The following FOXP2 variants were observed in gnomAD, a reference collection of about 807,000 sequenced individuals.
FOXP2 encodes forkhead box P2.
A neutral mutation model predicts 115.8 loss-of-function variants in FOXP2; 12 were observed. That is an observed-to-expected ratio of 0.10 (90% CI 0.07 to 0.17). FOXP2 has a LOEUF of 0.17. FOXP2 is among the 10% of genes least tolerant of loss of function. The probability of loss-of-function intolerance (pLI) is 1.00; values close to 1 mark genes in which losing one functional copy is unlikely to be tolerated. For missense variants in FOXP2, 629 were observed against 843.5 expected, an observed-to-expected ratio of 0.75 and a Z score of 3.15; for synonymous variants, 328 against 297.7, an observed-to-expected ratio of 1.10 and a Z score of -1.05.
intron 2 of FOXP2, among the ~76,000 whole-genome samples, chr7:114,377,251 G>GA: frequency 6.6e-6 from 1 of 152,138 alleles, no homozygotes; most frequent in Non-Finnish European, 1.5e-5. Context: ...GAAATCCAAA[G>GA]TTTGAGATAC....
intron 1 of FOXP2, among the ~76,000 whole-genome samples, chr7:114,198,638 C>A (rs1419349953): frequency 6.6e-6 from 1 of 152,168 alleles, no homozygotes; most frequent in Non-Finnish European, 1.5e-5. Flanking sequence ...GCGGGGCTCA[C>A]CTCTTGCTAT....
chr7:114,350,101 A>T (rs1791445909), intron 2 of FOXP2, among the ~76,000 whole-genome samples: 1 of 152,170 alleles, frequency 6.6e-6, no homozygotes, highest in Non-Finnish European at 1.5e-5. Flanking sequence ...TGAGTAAAAG[A>T]ATAAACAGAC....
At chr7:114,401,783 T>C (rs975032666) in intron 2 of FOXP2, among the ~76,000 whole-genome samples, 1 of 152,154 alleles carries the variant, frequency 6.6e-6, no homozygotes, top group Non-Finnish European at 1.5e-5. Context: ...TTAAAGAATA[T>C]TATATACAGC....
chr7:114,358,509 T>G (rs1013518307), intron 2 of FOXP2, among the ~76,000 whole-genome samples: 1 of 152,166 alleles, frequency 6.6e-6, no homozygotes, highest in Non-Finnish European at 1.5e-5. Flanking sequence ...AGTTTGGATT[T>G]CCTAGAGACT....
At chr7:114,360,823 C>T (rs1791728726) in intron 2 of FOXP2, among the ~76,000 whole-genome samples, 1 of 152,134 alleles carries the variant, frequency 6.6e-6, no homozygotes, top group Admixed American at 6.5e-5. Flanking sequence ...ATTATCCAAA[C>T]TAATAAAGAT....
chr7:114,538,429 C>A, intron 3 of FOXP2: 1 of 1,093,136 alleles, frequency 9.1e-7, no homozygotes, highest in Non-Finnish European at 1.3e-6. Context: ...TAGTTTTTAG[C>A]ATTGTAATCA....
intron 2 of FOXP2, among the ~76,000 whole-genome samples, chr7:114,448,946 C>T (rs1034021622): frequency 3.3e-5 from 5 of 152,138 alleles, no homozygotes; most frequent in African/African-American, 4.8e-5. Flanking sequence ...TAGAAAACTA[C>T]AGGGAAAATA....
chr7:114,211,946 G>A (rs2129161874), intron 1 of FOXP2, among the ~76,000 whole-genome samples: 1 of 152,050 alleles, frequency 6.6e-6, no homozygotes, highest in African/African-American at 2.4e-5. Context: ...AGTGGTGGGT[G>A]TCTGTAATCC....
intron 1 of FOXP2, among the ~76,000 whole-genome samples, chr7:114,156,783 A>G (rs1792683038): frequency 6.6e-6 from 1 of 152,136 alleles, no homozygotes; most frequent in African/African-American, 2.4e-5. Context: ...TTCATATTGT[A>G]TGTAGTGGGC....
chr7:114,685,559 T>A (rs1808315504), intron 16 of FOXP2, among the ~76,000 whole-genome samples: 1 of 152,178 alleles, frequency 6.6e-6, no homozygotes, highest in African/African-American at 2.4e-5. Context: ...TGTGCAATAA[T>A]GGCGTTATAA....
At position 114,283,906 on chromosome 7, in the gene FOXP2, T is replaced by C. The variant is rs1236490044; in HGVS notation, c.-101-4113T>C. Reference sequence around the variant, plus strand: ...TGAGCCTGGGAATTGGAGACTGTAATGAGCTACAATCGCACCACTGCACTC... The same window carrying C: ...TGAGCCTGGGAATTGGAGACTGTAACGAGCTACAATCGCACCACTGCACTC... On this transcript the variant is annotated intron_variant, in intron 1 of 17. Transcript: ENST00000634411. 3.3e-5 allele frequency among the ~76,000 whole-genome samples: 5 copies of C among 152,122 alleles called. No homozygotes were observed. In the East Asian group the frequency reaches 7.7e-4, roughly 23 times the overall value.
intron 2 of FOXP2, among the ~76,000 whole-genome samples, chr7:114,439,731 A>G (rs929646621): frequency 6.6e-6 from 1 of 151,172 alleles, no homozygotes; most frequent in Middle Eastern, 3.4e-3. Flanking sequence ...TTGTGTGTAT[A>G]TAGATGTGTG....
In FOXP2 at chr7:114,692,567, T is replaced by C. The variant is rs887864630; in HGVS notation, c.*2641T>C. On this transcript the variant is annotated 3_prime_UTR_variant, in exon 17 of 17. Transcript: ENST00000350908. ...CATTTCATGAATTTTTACTCTTATA[T>C]CATTGCTTGCTAGTAATAGCAAATC... 6 of 453,076 alleles carry C rather than the reference T, an allele frequency of 1.3e-5. No individual in the cohort carries two copies. The highest frequency in any genetic ancestry group is 1.2e-4 in the African/African-American group (6 of 49,950). 28.1% of individuals were successfully genotyped at this position (453,076 alleles called of 1,614,324 possible). A position where few individuals can be genotyped will look rare whatever the true frequency, so the allele number is the denominator to read the frequency against.
At chr7:114,370,160 GT>G (rs1214477849) in intron 2 of FOXP2, among the ~76,000 whole-genome samples, 2 of 152,136 alleles carry the variant, frequency 1.3e-5, no homozygotes, top group South Asian at 2.1e-4. Flanking sequence ...GTCTCAGATG[GT>G]TTTTTCCCCC....
chr7:114,237,046 A>G (rs914111418), intron 1 of FOXP2, among the ~76,000 whole-genome samples: 2 of 152,170 alleles, frequency 1.3e-5, no homozygotes, highest in African/African-American at 4.8e-5. Context: ...ATTTGTGTGT[A>G]TATGTGTATG....
At chr7:114,264,798 C>T (rs911035501) in intron 1 of FOXP2, among the ~76,000 whole-genome samples, 2 of 151,936 alleles carry the variant, frequency 1.3e-5, no homozygotes, top group Non-Finnish European at 2.9e-5. Context: ...TGGGGGAAGG[C>T]GAAGCAAGAG....
intron 1 of FOXP2, among the ~76,000 whole-genome samples, chr7:114,281,860 T>G (rs1334707256): frequency 6.6e-6 from 1 of 152,156 alleles, no homozygotes; most frequent in Non-Finnish European, 1.5e-5. Flanking sequence ...TGTATCTTCT[T>G]AATGGATTTA....
At chr7:114,551,549 G>A (rs1800207742) in intron 3 of FOXP2, among the ~76,000 whole-genome samples, 1 of 152,084 alleles carries the variant, frequency 6.6e-6, no homozygotes, top group Non-Finnish European at 1.5e-5. Context: ...TTTGTTTGTG[G>A]TTCTTTAAAA....
intron 2 of FOXP2, among the ~76,000 whole-genome samples, chr7:114,332,192 A>T (rs912964850): frequency 6.6e-6 from 1 of 152,132 alleles, no homozygotes; most frequent in African/African-American, 2.4e-5. Flanking sequence ...TGGCAGTAAA[A>T]GTTGTTTAAT....
Sources: gnomAD v4.1 joint callset for allele counts (sites outside exome capture counted in the v4.1 genomes callset) on GRCh38, gnomAD v4.1.1 for gene constraint, MANE v1.5 for transcripts, NCBI Gene and HGNC (gene_info 2026-07-23, HGNC 2026-07-21) for gene names.